ABCC6: variants seen among roughly 807,000 people sequenced by gnomAD.
ABCC6 encodes ATP binding cassette subfamily C member 6.
Under a neutral mutation model 169.5 loss-of-function variants are expected in ABCC6, and 126 were observed. The ratio of observed to expected loss-of-function variants is 0.74; its 90% CI spans 0.64 to 0.86. ABCC6 has a LOEUF of 0.86. Ranked by LOEUF, ABCC6 falls within the 40% of genes least tolerant of loss-of-function variation. The pLI is 0.00. For missense variants in ABCC6, 1,733 were observed against 1,927.2 expected, an observed-to-expected ratio of 0.90 and a Z score of 1.89; for synonymous variants, 752 against 814.7, an observed-to-expected ratio of 0.92 and a Z score of 1.31.
intron 29 of ABCC6, among the ~76,000 whole-genome samples, chr16:16,151,537 A>G (rs1322095996): frequency 6.6e-6 from 1 of 152,126 alleles, no homozygotes; most frequent in Non-Finnish European, 1.5e-5. Flanking sequence ...TAAGACATTC[A>G]AGGCTGGTGT....
At chr16:16,220,622 G>T (rs1223392933) in intron 2 of ABCC6, among the ~76,000 whole-genome samples, 3 of 152,166 alleles carry the variant, frequency 2.0e-5, no homozygotes, top group African/African-American at 7.2e-5. Context: ...TCGGCCGGGG[G>T]TGGTGGCTTA....
At chr16:16,170,438 G>A (rs574456112) in intron 21 of ABCC6, among the ~76,000 whole-genome samples, 1 of 152,102 alleles carries the variant, frequency 6.6e-6, no homozygotes, top group Non-Finnish European at 1.5e-5. Context: ...GGTCAGGCAT[G>A]TGTCTCTCCT....
rs1567502728 is a variant in ABCC6 at position 16,182,448 on chromosome 16, G to T, written c.2211C>A (p.Ser737Arg). 1 of 1,614,134 alleles carries T rather than the reference G, an allele frequency of 6.2e-7. No homozygotes were observed. The highest frequency in any genetic ancestry group is 1.7e-5 in the Admixed American group (1 of 60,012). Reference sequence around the variant, plus strand: ...TTGAAGTGTGGATTCCCTCAGGGAAGCTGTCCACATCTGGCTGCAGGGCAC... The same window carrying T: ...TTGAAGTGTGGATTCCCTCAGGGAATCTGTCCACATCTGGCTGCAGGGCAC... ...EACALQPDVD[S>R]FPEGIHTSIG... The change falls in exon 17 of 31, where the codon AGC (serine) becomes AGA (arginine). Residue 737 changes from serine (S) to arginine (R), a missense_variant. Coordinates refer to ENST00000205557, the MANE Select transcript of ABCC6 (RefSeq NM_001171.6).
At chr16:16,177,281 G>A (rs575836817) in intron 19 of ABCC6, among the ~76,000 whole-genome samples, 171 bp downstream of exon 19, 91 of 152,258 alleles carry the variant, frequency 6.0e-4, no homozygotes, top group African/African-American at 2.1e-3. Context: ...TGATGTTATC[G>A]GCTATTCTTG....
At position 16,173,399 on chromosome 16, in the gene ABCC6, A is replaced by G. The variant is rs2047174793; in HGVS notation, c.2672T>C (p.Ile891Thr). ...ACGGTCCTTCTCAGGGACTGACTTG[A>G]TGGACCTGTCATTTAGAGGAAATGA... ...RRPELRRERS[I>T]KSVPEKDRTT... Residue 891 changes from isoleucine to threonine, a missense_variant, in exon 21 of 31, where the codon ATC becomes ACC. Around this residue, in one of 5 missense-constraint regions of ABCC6, gnomAD observed 1,601 missense variants for 1,635.5 expected, o/e 0.98. Transcript: ENST00000205557. 6.2e-7 allele frequency: 1 copy of G among 1,614,054 alleles called. No homozygotes were observed. Among genetic ancestry groups the G allele is most frequent in the Non-Finnish European group, 8.5e-7 (1 of 1,180,006 alleles).
rs144839705 is a variant in ABCC6 at position 16,183,562 on chromosome 16, C to T, written c.1944-632G>A. On this transcript the variant is annotated intron_variant, in intron 15 of 30. Transcript: ENST00000205557. Reference sequence around the variant, plus strand: ...CCTGACGATCAGGAATGACATCTCCCGCCTCCTTCCGCTCTGTGCCTCAGC... The same window carrying T: ...CCTGACGATCAGGAATGACATCTCCTGCCTCCTTCCGCTCTGTGCCTCAGC... 3.4e-3 allele frequency among the ~76,000 whole-genome samples: 522 copies of T among 152,284 alleles called. 3 individuals are homozygous for T. Among genetic ancestry groups the T allele is most frequent in the South Asian group, 5.4e-3 (26 of 4,828 alleles).
intron 11 of ABCC6, among the ~76,000 whole-genome samples, chr16:16,190,915 G>C (rs2047829154): frequency 1.6e-5 from 2 of 122,156 alleles, no homozygotes; most frequent in South Asian, 6.9e-4. Flanking sequence ...ATGGGGGTGG[G>C]GGGTGGGGGC....
At chr16:16,193,634 A>C (rs762646870) in intron 10 of ABCC6, among the ~76,000 whole-genome samples, 1 of 152,172 alleles carries the variant, frequency 6.6e-6, no homozygotes, top group Non-Finnish European at 1.5e-5. Flanking sequence ...GAATAGCTTG[A>C]ACCCAGGAGG....
At chr16:16,170,777 CGTGTGGTGGCAGGCACCT>C (rs1205401730) in intron 21 of ABCC6, among the ~76,000 whole-genome samples, 3 of 151,504 alleles carry the variant, frequency 2.0e-5, no homozygotes, top group Admixed American at 1.3e-4. Context: ...AAATTAGCCA[CGTGTGGTGGCAGGCACCT>C]GTAGTCCCAG....
At chr16:16,192,803 G>C in intron 11 of ABCC6, 27 bp downstream of exon 11, 1 of 1,594,548 alleles carries the variant, frequency 6.3e-7, no homozygotes, top group Non-Finnish European at 8.6e-7. Context: ...CTTCCTGCCT[G>C]GTCCGTCCCT....
At chr16:16,153,464 G>A (rs995478209) in intron 29 of ABCC6, among the ~76,000 whole-genome samples, 9 of 152,178 alleles carry the variant, frequency 5.9e-5, no homozygotes, top group South Asian at 2.1e-4. Flanking sequence ...ATGATTCTGC[G>A]TCTATGCAGT....
chr16:16,161,348 C>T lies in ABCC6; in HGVS notation c.3633+90G>A, dbSNP rs2376957. 384,558 of 1,585,886 alleles carry T rather than the reference C, an allele frequency of 0.24. 51,433 individuals are homozygous for T. Among genetic ancestry groups the T allele is most frequent in the South Asian group, 0.45 (40,401 of 89,404 alleles). On this transcript the variant is annotated intron_variant, in intron 25 of 30. Transcript: ENST00000205557. ...ACTCCACACACCATGTTGGTTTGGA[C>T]ACAGGGTCTTCAAAGGTCCCACTAG...
At chr16:16,220,752 C>T (rs2141223321) in intron 2 of ABCC6, among the ~76,000 whole-genome samples, 1 of 151,888 alleles carries the variant, frequency 6.6e-6, no homozygotes, top group African/African-American at 2.4e-5. Context: ...AAAAAAATAG[C>T]GAGGTGTGGG....
At chr16:16,215,035 G>A (rs938485457) in intron 4 of ABCC6, among the ~76,000 whole-genome samples, 4 of 152,224 alleles carry the variant, frequency 2.6e-5, no homozygotes, top group African/African-American at 9.6e-5. Flanking sequence ...ATGAGATGAA[G>A]AAACAATTTA....
chr16:16,159,659 A>G (rs1028641323), intron 25 of ABCC6, 76 bp from the exon 26 acceptor site: 2 of 1,382,686 alleles, frequency 1.4e-6, no homozygotes, highest in Non-Finnish European at 2.0e-6. Context: ...TGGTTTCCCA[A>G]CCTTTTCTGG....
intron 7 of ABCC6, among the ~76,000 whole-genome samples, chr16:16,204,821 TTTTTCTTTTTC>T (rs1225761689): frequency 3.3e-5 from 5 of 150,806 alleles, no homozygotes; most frequent in Non-Finnish European, 7.4e-5. Context: ...CAGTAATTTC[TTTTTCTTTTTC>T]TTTTCTTTTT....
chr16:16,182,355 C>T, intron 17 of ABCC6, 57 bp downstream of exon 17: 2 of 1,602,798 alleles, frequency 1.2e-6, no homozygotes, highest in Non-Finnish European at 1.7e-6. Flanking sequence ...AGTCGGGGAC[C>T]CAAATGACTC....
At chr16:16,163,888 C>G (rs911527475) in intron 23 of ABCC6, among the ~76,000 whole-genome samples, 4 of 152,138 alleles carry the variant, frequency 2.6e-5, no homozygotes, top group African/African-American at 9.7e-5. Context: ...CAGCAGCTGT[C>G]CTGAGTGCCA....
Position 16,221,761 on chromosome 16 carries a change from C to T in ABCC6, c.107G>A (p.Gly36Glu), listed in dbSNP as rs777330921. 24 of 1,613,572 alleles carry T rather than the reference C, an allele frequency of 1.5e-5. 1 individual carries two copies. In the South Asian group the frequency reaches 2.3e-4, roughly 16 times the overall value. Reference protein sequence around the residue: ...LLSLCFLRTAGVWVPPMYLWV... With the variant: ...LLSLCFLRTAEVWVPPMYLWV... The stretch of plus-strand genomic sequence containing the variant: ...GAGGTACATGGGGGGTACCCAGACC[C>T]CTGCTGTTCTCAGGAAGCACAGGCT... Residue 36 changes from glycine to glutamate, a missense_variant, in exon 2 of 31, where the codon GGG (glycine) becomes GAG (glutamate). By Grantham distance (98) the Gly-to-Glu change is moderately conservative. Transcript: ENST00000205557.
Sources: gnomAD v4.1 joint callset for allele counts (sites outside exome capture counted in the v4.1 genomes callset) on GRCh38, gnomAD v4.1.1 for gene constraint, gnomAD v4.1.1 regional missense constraint, MANE v1.5 for transcripts, NCBI Gene and HGNC (gene_info 2026-07-23, HGNC 2026-07-21) for gene names.